The following ANGPT2 variants were observed in gnomAD, a reference collection of about 807,000 sequenced individuals.
The protein encoded by ANGPT2 is angiopoietin-2.
A neutral mutation model predicts 62.9 loss-of-function variants in ANGPT2; 28 were observed. That is an observed-to-expected ratio of 0.44 (90% CI 0.33 to 0.61). The LOEUF is 0.61. ANGPT2 is among the 20% of genes least tolerant of loss of function. ANGPT2 has a pLI of 0.03. For synonymous variants in ANGPT2, 284 were observed against 207.8 expected, an observed-to-expected ratio of 1.37 and a Z score of -3.15; for missense variants, 727 against 594.9, an observed-to-expected ratio of 1.22 and a Z score of -2.31.
rs543457567 is a variant in ANGPT2, at chr8:6,563,167, T to C, written c.-233A>G. On this transcript the variant is annotated 5_prime_UTR_variant, in exon 1 of 9. Coordinates refer to ENST00000629816, the MANE Select transcript of ANGPT2 (RefSeq NM_001118887.2). Reference sequence around the variant, plus strand: ...CAGTGGGAAGAACAGTCCTGCTCACTTGGGAGGGCTGTGTCAGCTTTTACA... The same window carrying C: ...CAGTGGGAAGAACAGTCCTGCTCACCTGGGAGGGCTGTGTCAGCTTTTACA... 2.6e-6 allele frequency: 1 copy of C among 390,264 alleles called. No homozygotes were observed. The highest frequency in any genetic ancestry group is 4.9e-5 in the South Asian group (1 of 20,494). 24.2% of individuals were successfully genotyped at this position (390,264 alleles called of 1,614,324 possible). A position where few individuals can be genotyped will look rare whatever the true frequency, so the allele number is the denominator to read the frequency against.
intron 8 of ANGPT2, 125 bp downstream of exon 8, chr8:6,508,807 G>C: frequency 1.5e-6 from 2 of 1,304,692 alleles, no homozygotes; most frequent in Admixed American, 1.7e-5. Flanking sequence ...TATCAAGCTA[G>C]TGTGTCTACG....
chr8:6,556,111 G>C (rs1586604020), intron 1 of ANGPT2, among the ~76,000 whole-genome samples: 1 of 152,074 alleles, frequency 6.6e-6, no homozygotes, highest in African/African-American at 2.4e-5. Context: ...GACTAACCAA[G>C]GGTGTCAACC....
At chr8:6,506,881 C>G (rs945647910) in intron 8 of ANGPT2, among the ~76,000 whole-genome samples, 1 of 150,998 alleles carries the variant, frequency 6.6e-6, no homozygotes, top group Non-Finnish European at 1.5e-5. Flanking sequence ...TTACTAAATC[C>G]TCCTTTTGAC....
Position 6,499,749 on chromosome 8 carries a change from G to C in ANGPT2, c.*3352C>G. On this transcript the variant is annotated 3_prime_UTR_variant, in exon 9 of 9. Transcript: ENST00000629816. ...CTGAGAACACATCTATTTCAGATCT[G>C]CGGAGTGTATCACTTTTTGCTGTGT... 3 of 921,210 alleles carry C rather than the reference G, an allele frequency of 3.3e-6. No individual in the cohort carries two copies. The highest frequency in any genetic ancestry group is 1.7e-5 in the Admixed American group (1 of 57,910). The allele number at this position is 921,210 out of a possible 1,614,324, so 57.1% of individuals were successfully genotyped here. A position where few individuals can be genotyped will look rare whatever the true frequency, so the allele number is the denominator to read the frequency against.
intron 1 of ANGPT2, among the ~76,000 whole-genome samples, chr8:6,559,230 A>ACAC (rs113856995): frequency 6.8e-6 from 1 of 146,726 alleles, no homozygotes; most frequent in African/African-American, 2.5e-5. Context: ...CACACACGAC[A>ACAC]ACACACACAC....
chr8:6,515,017 G>C (rs1287699023), intron 5 of ANGPT2, among the ~76,000 whole-genome samples: 1 of 152,156 alleles, frequency 6.6e-6, no homozygotes, highest in African/African-American at 2.4e-5. Flanking sequence ...GTGTTGATGA[G>C]AATATGACTC....
intron 1 of ANGPT2, among the ~76,000 whole-genome samples, chr8:6,552,677 T>C (rs547610306): frequency 6.6e-6 from 1 of 152,326 alleles, no homozygotes; most frequent in South Asian, 2.1e-4. Flanking sequence ...CATCATCTTA[T>C]TTGAAACACA....
chr8:6,555,449 C>A (rs1021193773), intron 1 of ANGPT2, among the ~76,000 whole-genome samples: 1 of 148,284 alleles, frequency 6.7e-6, no homozygotes, highest in Non-Finnish European at 1.5e-5. Context: ...ATTTGTTTTA[C>A]GGGGGGTGGT....
intron 1 of ANGPT2, among the ~76,000 whole-genome samples, chr8:6,548,809 C>T (rs1823066127): frequency 6.6e-6 from 1 of 152,124 alleles, no homozygotes; most frequent in African/African-American, 2.4e-5. Context: ...TTTGAAAGAC[C>T]AGAGTGAGCA....
At chr8:6,533,027 T>A (rs1338745515) in intron 1 of ANGPT2, among the ~76,000 whole-genome samples, 1 of 152,272 alleles carries the variant, frequency 6.6e-6, no homozygotes, top group East Asian at 1.9e-4. Context: ...ACCACTCAGT[T>A]CCACATTCTG....
chr8:6,522,256 G>A (rs1817500993), intron 3 of ANGPT2, among the ~76,000 whole-genome samples: 3 of 152,154 alleles, frequency 2.0e-5, no homozygotes, highest in Admixed American at 1.3e-4. Flanking sequence ...TCTGGAGGCT[G>A]AGGCAGGAGA....
chr8:6,545,762 T>C (rs929470511), intron 1 of ANGPT2, among the ~76,000 whole-genome samples: 2 of 152,206 alleles, frequency 1.3e-5, no homozygotes, highest in Non-Finnish European at 2.9e-5. Flanking sequence ...GCTTCAAGTA[T>C]AGGAAGAAAA....
At chr8:6,520,906 C>G (rs1016341322) in intron 4 of ANGPT2, among the ~76,000 whole-genome samples, 1 of 152,152 alleles carries the variant, frequency 6.6e-6, no homozygotes, top group Non-Finnish European at 1.5e-5. Context: ...TAGTAATTTG[C>G]CCAGTCTCAT....
chr8:6,548,385 C>T (rs1038542314), intron 1 of ANGPT2, among the ~76,000 whole-genome samples: 3 of 152,148 alleles, frequency 2.0e-5, no homozygotes, highest in South Asian at 2.1e-4. Flanking sequence ...GGAAATTTCC[C>T]GAAAATGGCA....
At position 6,562,630 on chromosome 8, in the gene ANGPT2, A is replaced by T; in HGVS notation, c.288+17T>A. ...CTTAATAGCATGTTCACAAAGACAGATGGATTTTTTTCCTACCTTCATTAG... is the reference window on the plus strand; with the variant it reads ...CTTAATAGCATGTTCACAAAGACAGTTGGATTTTTTTCCTACCTTCATTAG... On this transcript the variant is annotated intron_variant, in intron 1 of 8. Coordinates refer to ENST00000629816, the MANE Select transcript of ANGPT2 (RefSeq NM_001118887.2). The T allele has an allele frequency of 7.4e-7, 1 of 1,360,520 alleles. No individual in the cohort carries two copies. The highest frequency in any genetic ancestry group is 1.3e-5 in the South Asian group (1 of 78,322). The allele number at this position is 1,360,520 out of a possible 1,614,324, so 84.3% of individuals were successfully genotyped here. A position where few individuals can be genotyped will look rare whatever the true frequency, so the allele number is the denominator to read the frequency against.
At chr8:6,524,704 C>T (rs1818006657) in intron 3 of ANGPT2, among the ~76,000 whole-genome samples, 1 of 152,192 alleles carries the variant, frequency 6.6e-6, no homozygotes, top group Admixed American at 6.5e-5. Context: ...ATGGTCTTCA[C>T]ATCATCAAGC....
intron 4 of ANGPT2, 145 bp downstream of exon 4, chr8:6,521,033 C>T (rs1817236061): frequency 1.3e-5 from 8 of 627,332 alleles, no homozygotes; most frequent in Non-Finnish European, 2.2e-5. Context: ...CCCTTCTCTT[C>T]TTCCTTCATT....
At chr8:6,546,618 A>T (rs1412760474) in intron 1 of ANGPT2, among the ~76,000 whole-genome samples, 2 of 152,224 alleles carry the variant, frequency 1.3e-5, no homozygotes, top group Non-Finnish European at 2.9e-5. Context: ...TACTTAAATT[A>T]TTTGGAGCTA....
chr8:6,511,912 T>C (rs1815205508), intron 7 of ANGPT2, among the ~76,000 whole-genome samples: 1 of 152,150 alleles, frequency 6.6e-6, no homozygotes, highest in East Asian at 1.9e-4. Context: ...TTTTTTTTTT[T>C]TTTAATTCTT....
Sources: allele counts gnomAD v4.1 joint callset (sites outside exome capture counted in the v4.1 genomes callset), GRCh38; gene constraint gnomAD v4.1.1; transcripts MANE v1.5; gene names NCBI Gene and HGNC (gene_info 2026-07-23, HGNC 2026-07-21).